FBRSL1: variants seen among roughly 807,000 people sequenced by gnomAD.
FBRSL1 encodes the protein fibrosin like 1, also known as fibrosin-1-like protein.
A neutral mutation model predicts 89.6 loss-of-function variants in FBRSL1; 51 were observed. The ratio of observed to expected loss-of-function variants is 0.57; its 90% CI spans 0.45 to 0.72. FBRSL1 has a LOEUF of 0.72. Among genes scored for constraint, FBRSL1 ranks in the 30% least tolerant of loss-of-function variants. The probability of loss-of-function intolerance (pLI) is 0.00; values close to 1 mark genes in which losing one functional copy is unlikely to be tolerated. For synonymous variants in FBRSL1, 779 were observed against 681.1 expected, an observed-to-expected ratio of 1.14 and a Z score of -2.24; for missense variants, 1,618 against 1,451.8, an observed-to-expected ratio of 1.11 and a Z score of -1.86.
chr12:132,572,718 C>A, intron 11 of FBRSL1, 96 bp downstream of exon 11: 1 of 843,720 alleles, frequency 1.2e-6, no homozygotes, highest in Non-Finnish European at 1.9e-6. Flanking sequence ...CCCACAACCA[C>A]CCCCCTTTCC....
At chr12:132,579,060 CCCT>C (rs1486417221) in intron 15 of FBRSL1, among the ~76,000 whole-genome samples, 1 of 151,458 alleles carries the variant, frequency 6.6e-6, no homozygotes, top group Admixed American at 6.6e-5. Context: ...GCCTCCCCTT[CCCT>C]CCTCTGGATA....
intron 4 of FBRSL1, among the ~76,000 whole-genome samples, chr12:132,535,361 A>G (rs2036620807): frequency 6.6e-6 from 1 of 152,116 alleles, no homozygotes; most frequent in Non-Finnish European, 1.5e-5. Context: ...CACTAATGAG[A>G]AAAAGGAGAG....
chr12:132,569,848 G>A (rs1248907039), intron 6 of FBRSL1, 78 bp from the exon 7 acceptor site: 20 of 1,161,892 alleles, frequency 1.7e-5, no homozygotes, highest in Admixed American at 4.1e-5. Flanking sequence ...CACCGGGCAC[G>A]TACCAGGGCT....
At chr12:132,569,828 A>G (rs2039884157) in intron 6 of FBRSL1, 98 bp from the exon 7 acceptor site, 1 of 902,250 alleles carries the variant, frequency 1.1e-6, no homozygotes, top group Non-Finnish European at 1.5e-6. Flanking sequence ...GAGCCCAGAC[A>G]TAGCCTGGGC....
chr12:132,501,309 G>A (rs1257374837), intron 1 of FBRSL1, among the ~76,000 whole-genome samples: 1 of 152,222 alleles, frequency 6.6e-6, no homozygotes, highest in East Asian at 1.9e-4. Flanking sequence ...GGCTGCCCCT[G>A]TGGTCCTCGC....
At chr12:132,500,564 T>C (rs1297070280) in intron 1 of FBRSL1, among the ~76,000 whole-genome samples, 3 of 152,126 alleles carry the variant, frequency 2.0e-5, no homozygotes, top group Non-Finnish European at 1.5e-5. Context: ...TGCCATCCCC[T>C]GTCCTGGCCC....
At chr12:132,571,655 T>A in intron 9 of FBRSL1, 1 of 611,658 alleles carries the variant, frequency 1.6e-6, no homozygotes, top group Non-Finnish European at 2.4e-6. Flanking sequence ...CACCTCTCTG[T>A]CGTCTGTCCG....
At chr12:132,532,686 G>A (rs1277068748) in intron 4 of FBRSL1, among the ~76,000 whole-genome samples, 3 of 151,656 alleles carry the variant, frequency 2.0e-5, no homozygotes, top group Admixed American at 6.6e-5. Flanking sequence ...CCAAGGAGTC[G>A]CTGTCCCAGG....
At chr12:132,544,408 A>G (rs2037510691) in intron 4 of FBRSL1, among the ~76,000 whole-genome samples, 1 of 152,184 alleles carries the variant, frequency 6.6e-6, no homozygotes, top group African/African-American at 2.4e-5. Context: ...TCACCTTTCC[A>G]GCCTTGGCCA....
intron 2 of FBRSL1, among the ~76,000 whole-genome samples, chr12:132,513,691 C>T (rs923383707): frequency 1.3e-5 from 2 of 151,992 alleles, no homozygotes; most frequent in South Asian, 4.2e-4. Flanking sequence ...CCACGGCAGA[C>T]GAGGGCAGTG....
intron 5 of FBRSL1, among the ~76,000 whole-genome samples, chr12:132,561,328 T>C (rs1202696408): frequency 1.3e-5 from 2 of 152,112 alleles, no homozygotes; most frequent in East Asian, 3.9e-4. Flanking sequence ...GCAGCCCTCT[T>C]GGCTTCGCTG....
intron 12 of FBRSL1, 34 bp from the exon 13 acceptor site, chr12:132,574,285 G>A (rs754400699): frequency 6.6e-7 from 1 of 1,507,918 alleles, no homozygotes; most frequent in African/African-American, 1.4e-5. Flanking sequence ...CTCCTGAGGG[G>A]CCCGGACCTC....
intron 4 of FBRSL1, among the ~76,000 whole-genome samples, chr12:132,536,080 G>A (rs567051479): frequency 7.4e-6 from 1 of 135,356 alleles, no homozygotes; most frequent in Non-Finnish European, 1.6e-5. Flanking sequence ...AGTGTGTTCT[G>A]TGTGTACATG....
At chr12:132,533,631 C>T (rs2036484109) in intron 4 of FBRSL1, among the ~76,000 whole-genome samples, 1 of 152,268 alleles carries the variant, frequency 6.6e-6, no homozygotes, top group African/African-American at 2.4e-5. Context: ...TCCATCTGCA[C>T]CCACCCACAT....
At position 132,583,220 on chromosome 12, in the gene FBRSL1, G is replaced by A. The variant is rs1172121478; in HGVS notation, c.2451G>A (p.Glu817=). 5 of 1,410,880 alleles carry A rather than the reference G, an allele frequency of 3.5e-6. No individual in the cohort carries two copies. Among genetic ancestry groups the A allele is most frequent in the East Asian group, 3.3e-5 (1 of 29,978 alleles). The allele number at this position is 1,410,880 out of a possible 1,614,324, so 87.4% of individuals were successfully genotyped here. ...CTGGAGACGTGAAGGTCAAGGAGGA[G>A]CGCGGGGAGGACGAGGCCTCCGAGC... is the stretch of plus-strand genomic sequence containing the variant. The part of the protein sequence containing the change: ...AAPGDVKVKE[E]RGEDEASEPP... The change falls in exon 19 of 19, where the codon GAG becomes GAA. Residue 817 remains glutamate (E), a synonymous_variant. Coordinates refer to ENST00000680143, the MANE Select transcript of FBRSL1 (RefSeq NM_001367871.1).
intron 3 of FBRSL1, among the ~76,000 whole-genome samples, chr12:132,526,152 G>A (rs2035774565): frequency 6.6e-6 from 1 of 152,256 alleles, no homozygotes; most frequent in Admixed American, 6.5e-5. Context: ...GAGCCCAGAG[G>A]CCAAAACGTT....
At position 132,511,299 on chromosome 12, in the gene FBRSL1, C is replaced by T. The variant is rs571288822; in HGVS notation, c.489+2949C>T. 16 of 985,658 alleles carry T rather than the reference C, an allele frequency of 1.6e-5. No individual in the cohort carries two copies. The South Asian group carries it at 1.9e-4, about 12-fold the overall frequency. The allele number at this position is 985,658 out of a possible 1,614,324, so 61.1% of individuals were successfully genotyped here. A position where few individuals can be genotyped will look rare whatever the true frequency, so the allele number is the denominator to read the frequency against. On this transcript the variant is annotated intron_variant, in intron 2 of 18. Coordinates refer to ENST00000680143, the MANE Select transcript of FBRSL1 (RefSeq NM_001367871.1). ...CCACAGGGTGGGCAGCGCCTTCTCCCGGCTTCCCCACAGTCCCCTGCAGCG... is the reference window on the plus strand; with the variant it reads ...CCACAGGGTGGGCAGCGCCTTCTCCTGGCTTCCCCACAGTCCCCTGCAGCG...
chr12:132,504,515 G>A (rs928018403), intron 1 of FBRSL1, among the ~76,000 whole-genome samples: 3 of 152,136 alleles, frequency 2.0e-5, no homozygotes, highest in Non-Finnish European at 2.9e-5. Context: ...CAGTGGCGTT[G>A]CGCAGGGAGG....
rs1278515103 is a variant in FBRSL1, at chr12:132,582,186, C to G, written c.2121C>G (p.Pro707=). The change falls in exon 18 of 19, where the codon CCC becomes CCG. Residue 707 remains proline, a synonymous_variant. Transcript: ENST00000680143. ...PPSFPAPPPW[P]KSVDAERVSA... ...CCTTCCCGGCTCCGCCCCCGTGGCC[C>G]AAGTCCGTGGACGCGGAGCGGGTGT... 3 of 1,550,068 alleles carry G rather than the reference C, an allele frequency of 1.9e-6. No individual in the cohort carries two copies. The highest frequency in any genetic ancestry group is 2.4e-5 in the South Asian group (2 of 84,058).
Sources: allele counts gnomAD v4.1 joint callset (sites outside exome capture counted in the v4.1 genomes callset), GRCh38; gene constraint gnomAD v4.1.1; transcripts MANE v1.5; gene names NCBI Gene and HGNC (gene_info 2026-07-23, HGNC 2026-07-21).